The following PPIA variants were observed in gnomAD, a reference collection of about 807,000 sequenced individuals.
The protein encoded by PPIA is peptidyl-prolyl cis-trans isomerase A.
PPIA carries 2 observed loss-of-function variants against 15.3 expected under a neutral mutation model. That is an observed-to-expected ratio of 0.13 (90% CI 0.05 to 0.41). PPIA has a LOEUF of 0.41. PPIA is among the 10% of genes least tolerant of loss of function. The pLI is 0.99. For missense variants in PPIA, 103 were observed against 210.3 expected, an observed-to-expected ratio of 0.49 and a Z score of 3.16; for synonymous variants, 67 against 73.1, an observed-to-expected ratio of 0.92 and a Z score of 0.43.
At chr7:44,797,309 C>A (rs1224213066) in intron 1 of PPIA, among the ~76,000 whole-genome samples, 3 of 152,214 alleles carry the variant, frequency 2.0e-5, no homozygotes, top group Non-Finnish European at 4.4e-5. Context: ...TGAGCCCGTC[C>A]ATGCTCGGTC....
chr7:44,798,522 A>G (rs574771696), intron 1 of PPIA: 146 of 166,314 alleles, frequency 8.8e-4, no homozygotes, highest in Non-Finnish European at 1.6e-3. Flanking sequence ...AAAAAAAAAA[A>G]GTACATTGCT....
chr7:44,799,112 G>C, intron 1 of PPIA, 135 bp from the exon 2 acceptor site: 1 of 1,198,286 alleles, frequency 8.3e-7, no homozygotes, highest in East Asian at 2.5e-5. Context: ...GTCAGGAGCA[G>C]TTCTTGGGAA....
At chr7:44,800,409 T>C (rs1382091564) in intron 4 of PPIA, 2 of 154,660 alleles carry the variant, frequency 1.3e-5, no homozygotes, top group South Asian at 2.0e-4. Flanking sequence ...TTTTTTTTTT[T>C]TTTTCTTTTC....
Position 44,801,682 on chromosome 7 carries a change from G to T in PPIA, c.*260G>T. 4 of 358,998 alleles carry T rather than the reference G, an allele frequency of 1.1e-5. No homozygotes were observed. Among genetic ancestry groups the T allele is most frequent in the South Asian group, 6.2e-5 (2 of 32,114 alleles). 22.2% of individuals were successfully genotyped at this position (358,998 alleles called of 1,614,324 possible). ...TGTAGGCTTTATTTTAAGCAGTAATGGGTTACTTCTGAAACATCACTTGTT... is the reference window on the plus strand; with the variant it reads ...TGTAGGCTTTATTTTAAGCAGTAATTGGTTACTTCTGAAACATCACTTGTT... On this transcript the variant is annotated 3_prime_UTR_variant, in exon 5 of 5. Coordinates refer to ENST00000468812, the MANE Select transcript of PPIA (RefSeq NM_021130.5).
intron 3 of PPIA, 48 bp from the exon 4 acceptor site, chr7:44,799,653 AC>A: frequency 6.2e-7 from 1 of 1,610,324 alleles, no homozygotes; most frequent in East Asian, 2.2e-5. Flanking sequence ...GATTTGGCAC[AC>A]TTCATGGTTA....
rs1440548072 is a variant in PPIA at position 44,799,558 on chromosome 7, CAT to C, written c.189+81_189+82del. The C allele has an allele frequency of 5.7e-6, 9 of 1,566,842 alleles. No individual in the cohort carries two copies. The African/African-American group carries it at 6.8e-5, about 12-fold the overall frequency. On this transcript the variant is annotated intron_variant, in intron 3 of 4. Transcript: ENST00000468812. ...TTGAGCCAGAATATTTCAGGATACA[CAT>C]ATCTGAACTGTTACTCTACCATTTC...
chr7:44,799,574 C>T (rs958133235), intron 3 of PPIA, 94 bp downstream of exon 3: 7 of 1,568,858 alleles, frequency 4.5e-6, no homozygotes, highest in Admixed American at 1.7e-5. Context: ...TGAACTGTTA[C>T]TCTACCATTT....
At chr7:44,800,031 A>C in intron 4 of PPIA, 157 bp downstream of exon 4, 1 of 735,442 alleles carries the variant, frequency 1.4e-6, no homozygotes. Flanking sequence ...AAATATAGCC[A>C]ATGTGATACA....
intron 1 of PPIA, among the ~76,000 whole-genome samples, chr7:44,797,720 C>T (rs1792422857): frequency 6.6e-6 from 1 of 152,204 alleles, no homozygotes; most frequent in African/African-American, 2.4e-5. Context: ...TGGCGCGTGT[C>T]TTCAAAGTTA....
At chr7:44,799,646 T>G in intron 3 of PPIA, 56 bp from the exon 4 acceptor site, 1 of 1,608,044 alleles carries the variant, frequency 6.2e-7, no homozygotes, top group Non-Finnish European at 8.5e-7. Flanking sequence ...CCTTGCAGAT[T>G]TGGCACACTT....
chr7:44,801,481 C>G lies in PPIA; in HGVS notation c.*59C>G, dbSNP rs996567587. The G allele has an allele frequency of 4.7e-6, 6 of 1,271,744 alleles. No homozygotes were observed. In the Admixed American group the frequency reaches 1.1e-4, roughly 24 times the overall value. 78.8% of individuals were successfully genotyped at this position (1,271,744 alleles called of 1,614,324 possible). A position where few individuals can be genotyped will look rare whatever the true frequency, so the allele number is the denominator to read the frequency against. On this transcript the variant is annotated 3_prime_UTR_variant, in exon 5 of 5. Coordinates refer to ENST00000468812, the MANE Select transcript of PPIA (RefSeq NM_021130.5). ...ATTCCTTCTGTAGCTCAGGAGAGCA[C>G]CCCTCCACCCCATTTGCTCGCAGTA...
rs77433540 is a variant in PPIA at position 44,797,754 on chromosome 7, A to G, written c.69+961A>G. Reference sequence around the variant, plus strand: ...TAAATATTGAGTACGATTCCGTTCCAGTTAACATGGATAGACCTTAGGGAG... The same window carrying G: ...TAAATATTGAGTACGATTCCGTTCCGGTTAACATGGATAGACCTTAGGGAG... On this transcript the variant is annotated intron_variant, in intron 1 of 4. Coordinates refer to ENST00000468812, the MANE Select transcript of PPIA (RefSeq NM_021130.5). 1.3e-4 allele frequency among the ~76,000 whole-genome samples: 20 copies of G among 152,370 alleles called. No homozygotes were observed. The East Asian group carries it at 3.9e-3, about 29-fold the overall frequency.
intron 1 of PPIA, chr7:44,798,674 C>T (rs949887607): frequency 6.4e-5 from 56 of 874,628 alleles, no homozygotes; most frequent in African/African-American, 6.2e-4. Context: ...CTAGCCATAA[C>T]GTATTATACA....
rs967927391 is a variant in PPIA, at chr7:44,802,949, T to G, written c.*1527T>G. 2 of 152,206 alleles carry G rather than the reference T, an allele frequency of 1.3e-5. No individual in the cohort carries two copies. Among genetic ancestry groups the G allele is most frequent in the African/African-American group, 4.8e-5 (2 of 41,442 alleles). The allele number at this position is 152,206 out of a possible 1,614,324, so 9.4% of individuals were successfully genotyped here. A position where few individuals can be genotyped will look rare whatever the true frequency, so the allele number is the denominator to read the frequency against. On this transcript the variant is annotated 3_prime_UTR_variant, in exon 5 of 5. Transcript: ENST00000468812. ...TTTGGTGTGTTGGGCAATTTTTGTT[T>G]TACTGTCTGGTTCCTTCTGCGTGAA...
At chr7:44,799,363 A>T in intron 2 of PPIA, 29 bp from the exon 3 acceptor site, 1 of 1,605,176 alleles carries the variant, frequency 6.2e-7, no homozygotes, top group East Asian at 2.2e-5. Flanking sequence ...TTATGTATGT[A>T]TATATGTGTT....
chr7:44,796,850 T>A (rs1268229615), intron 1 of PPIA, 57 bp downstream of exon 1: 1 of 1,448,508 alleles, frequency 6.9e-7, no homozygotes. Context: ...GGGGTCGGGG[T>A]GGGTGGTAGC....
rs1792493388 is a variant in PPIA, at chr7:44,799,870, G to A, written c.358G>A (p.Glu120Lys). Reference protein sequence around the residue: ...SQFFICTAKTEWLDGKHVVFG... With the variant: ...SQFFICTAKTKWLDGKHVVFG... The stretch of plus-strand genomic sequence containing the variant: ...GTTTTTCATCTGCACTGCCAAGACT[G>A]AGTGGTAAGGGTACAACATGGCACA... The change falls in exon 4 of 5, where the codon GAG (glutamate) becomes AAG (lysine). Residue 120 changes from glutamate to lysine, a missense_variant. Glu to Lys is a moderately conservative substitution (Grantham distance 56). Coordinates refer to ENST00000468812, the MANE Select transcript of PPIA (RefSeq NM_021130.5). 1 of 1,610,140 alleles carries A rather than the reference G, an allele frequency of 6.2e-7. No individual in the cohort carries two copies. The highest frequency in any genetic ancestry group is 1.7e-5 in the Admixed American group (1 of 59,974).
intron 1 of PPIA, 66 bp from the exon 2 acceptor site, chr7:44,799,181 C>T: frequency 6.6e-7 from 1 of 1,513,880 alleles, no homozygotes; most frequent in East Asian, 2.3e-5. Context: ...CTCAGAAGCC[C>T]CTAAAGACAT....
chr7:44,801,186 TAAAAA>T (rs36119683), intron 4 of PPIA, 96 bp from the exon 5 acceptor site: 64 of 1,084,664 alleles, frequency 5.9e-5, no homozygotes, highest in East Asian at 5.4e-4. Context: ...AGGCTTCAGT[TAAAAA>T]AAAAAAAAAA....
Sources: allele counts gnomAD v4.1 joint callset (sites outside exome capture counted in the v4.1 genomes callset), GRCh38; gene constraint gnomAD v4.1.1; transcripts MANE v1.5; gene names NCBI Gene and HGNC (gene_info 2026-07-23, HGNC 2026-07-21).